Variants in SETD7 observed in about 807,000 individuals in gnomAD.
The protein encoded by SETD7 is histone-lysine N-methyltransferase SETD7.
Under a neutral mutation model 41.8 loss-of-function variants are expected in SETD7, and 16 were observed. The ratio of observed to expected loss-of-function variants is 0.38; its 90% CI spans 0.26 to 0.58. SETD7 has a LOEUF of 0.58. SETD7 is among the 20% of genes least tolerant of loss of function. The pLI, the probability that SETD7 is intolerant of heterozygous loss-of-function variation, is 0.64. For synonymous variants in SETD7, 163 were observed against 169.7 expected, an observed-to-expected ratio of 0.96 and a Z score of 0.31; for missense variants, 346 against 459.7, an observed-to-expected ratio of 0.75 and a Z score of 2.26.
chr4:139,509,336 A>C lies in SETD7; in HGVS notation c.*2327T>G, dbSNP rs1410437223. On this transcript the variant is annotated 3_prime_UTR_variant, in exon 8 of 8. Transcript: ENST00000274031. ...GGTCACAGACACACTGCTGAGTTTT[A>C]AGCTCAGAGTGTTACCATTCAATAT... is the stretch of plus-strand genomic sequence containing the variant. 6.6e-6 allele frequency: 1 copy of C among 152,210 alleles called. No individual in the cohort carries two copies. The highest frequency in any genetic ancestry group is 2.4e-5 in the African/African-American group (1 of 41,454). 9.4% of individuals were successfully genotyped at this position (152,210 alleles called of 1,614,324 possible). A position where few individuals can be genotyped will look rare whatever the true frequency, so the allele number is the denominator to read the frequency against.
At chr4:139,497,547 G>A (rs1726484722) in intron 7 of SETD7, among the ~76,000 whole-genome samples, 1 of 151,986 alleles carries the variant, frequency 6.6e-6, no homozygotes, top group African/African-American at 2.4e-5. Flanking sequence ...CTGATGATAG[G>A]AAAGAACATC....
rs534414419 is a variant in SETD7 at position 139,517,804 on chromosome 4, A to C, written c.920+81T>G. The C allele has an allele frequency of 1.3e-5, 19 of 1,433,016 alleles. 1 individual carries two copies. The South Asian group carries it at 1.4e-4, about 11-fold the overall frequency. The allele number at this position is 1,433,016 out of a possible 1,614,324, so 88.8% of individuals were successfully genotyped here. A position where few individuals can be genotyped will look rare whatever the true frequency, so the allele number is the denominator to read the frequency against. On this transcript the variant is annotated intron_variant, in intron 7 of 7. Transcript: ENST00000274031. ...AGATGAAGCAGCCTTTATCTGAGGC[A>C]GAATAACACTTTTTACTGCCCTCCT...
chr4:139,555,101 T>A lies in SETD7; in HGVS notation c.40+997A>T, dbSNP rs1370172204. 6.6e-6 allele frequency among the ~76,000 whole-genome samples: 1 copy of A among 151,722 alleles called. No individual in the cohort carries two copies. Among genetic ancestry groups the A allele is most frequent in the Non-Finnish European group, 1.5e-5 (1 of 68,008 alleles). ...ATACGCTAAAGAGTATTTTCCAGTA[T>A]TCGCTGTTACAAAATCATAACATCC... On this transcript the variant is annotated intron_variant, in intron 1 of 7. Transcript: ENST00000274031. The surrounding 1 kb of genome is among the most constrained non-coding windows in gnomAD (Gnocchi z 4.0).
chr4:139,521,147 C>T (rs983107016), intron 5 of SETD7, among the ~76,000 whole-genome samples: 9 of 152,256 alleles, frequency 5.9e-5, no homozygotes, highest in East Asian at 1.9e-4. Context: ...AACAGCTGGT[C>T]GGGCGTGGTA....
At position 139,556,217 on chromosome 4, in the gene SETD7, T is replaced by C; in HGVS notation, c.-80A>G. ...GGGTGCTCCCGGCGGCTGAGCGAGC[T>C]CTGGGGCTCGCGAGTTTGGAGGAGG... On this transcript the variant is annotated 5_prime_UTR_variant, in exon 1 of 8. Coordinates refer to ENST00000274031, the MANE Select transcript of SETD7 (RefSeq NM_030648.4). The C allele has an allele frequency of 6.8e-7, 1 of 1,468,592 alleles. No individual in the cohort carries two copies. Among genetic ancestry groups the C allele is most frequent in the Non-Finnish European group, 9.2e-7 (1 of 1,083,496 alleles). The allele number at this position is 1,468,592 out of a possible 1,614,324, so 91.0% of individuals were successfully genotyped here.
At chr4:139,547,887 A>T (rs909244909) in intron 1 of SETD7, 2 of 152,236 alleles carry the variant, frequency 1.3e-5, no homozygotes, top group Admixed American at 1.3e-4. Flanking sequence ...ACATCAGCAG[A>T]AGTTATTACA....
intron 2 of SETD7, among the ~76,000 whole-genome samples, chr4:139,541,103 A>C (rs1305300841): frequency 6.6e-6 from 1 of 152,184 alleles, no homozygotes; most frequent in African/African-American, 2.4e-5. Context: ...TAAATCCTTT[A>C]AAATCAAATT....
At chr4:139,520,248 G>T in intron 6 of SETD7, 29 bp downstream of exon 6, 1 of 1,251,014 alleles carries the variant, frequency 8.0e-7, no homozygotes, top group Non-Finnish European at 1.1e-6. Flanking sequence ...AACCAACAAA[G>T]TTGATTTTCC....
chr4:139,556,030 G>T, intron 1 of SETD7, 68 bp downstream of exon 1: 2 of 1,472,942 alleles, frequency 1.4e-6, no homozygotes, highest in Non-Finnish European at 1.8e-6. Context: ...GCTGTTCGCA[G>T]CCCGCCACTC....
Position 139,511,501 on chromosome 4 carries a change from T to C in SETD7, c.*162A>G. ...CTAATTTTAAATCTGGTATGAGTAATACAGTCAAACCTAGTTAGTATGCGA... is the reference window on the plus strand; with the variant it reads ...CTAATTTTAAATCTGGTATGAGTAACACAGTCAAACCTAGTTAGTATGCGA... On this transcript the variant is annotated 3_prime_UTR_variant, in exon 8 of 8. Transcript: ENST00000274031. 2 of 1,337,370 alleles carry C rather than the reference T, an allele frequency of 1.5e-6. No individual in the cohort carries two copies. Among genetic ancestry groups the C allele is most frequent in the Non-Finnish European group, 2.1e-6 (2 of 974,244 alleles). 82.8% of individuals were successfully genotyped at this position (1,337,370 alleles called of 1,614,324 possible). A position where few individuals can be genotyped will look rare whatever the true frequency, so the allele number is the denominator to read the frequency against.
intron 4 of SETD7, among the ~76,000 whole-genome samples, chr4:139,526,618 A>T (rs939321581): frequency 2.0e-5 from 3 of 152,096 alleles, no homozygotes; most frequent in East Asian, 3.9e-4. Flanking sequence ...AGAATGTAAT[A>T]ACAACTTTCA....
intron 2 of SETD7, 68 bp from the exon 3 acceptor site, chr4:139,533,434 A>G: frequency 7.3e-7 from 1 of 1,377,262 alleles, no homozygotes; most frequent in Non-Finnish European, 1.0e-6. Context: ...AGAAAGGATC[A>G]TATCCAAGGA....
chr4:139,551,477 C>G (rs531396697), intron 1 of SETD7, among the ~76,000 whole-genome samples: 15 of 152,284 alleles, frequency 9.9e-5, no homozygotes, highest in Non-Finnish European at 1.9e-4. Context: ...TAGAAAGTTA[C>G]AATTTTCCCC....
chr4:139,511,524 C>T lies in SETD7; in HGVS notation c.*139G>A, dbSNP rs1726875153. 12 of 1,510,024 alleles carry T rather than the reference C, an allele frequency of 7.9e-6. No homozygotes were observed. Among genetic ancestry groups the T allele is most frequent in the African/African-American group, 1.4e-5 (1 of 71,262 alleles). The allele number at this position is 1,510,024 out of a possible 1,614,324, so 93.5% of individuals were successfully genotyped here. On this transcript the variant is annotated 3_prime_UTR_variant, in exon 8 of 8. Coordinates refer to ENST00000274031, the MANE Select transcript of SETD7 (RefSeq NM_030648.4). ...AATACAGTCAAACCTAGTTAGTATG[C>T]GAGAAAGTCGTTGCTAACGCATGGT...
chr4:139,520,390 A>C lies in SETD7; in HGVS notation c.649T>G (p.Tyr217Asp), dbSNP rs777083872. ...CTGGAAATAAGAGATTCAGCAACAT[A>C]AACCCTAAATTGAAAAAAGAGTTGA... ...LPDPYESERV[Y>D]VAESLISSAG... Residue 217 changes from tyrosine to aspartate, a missense_variant, in exon 6 of 8, where the codon TAT becomes GAT. Tyr to Asp is a radical substitution (Grantham distance 160, BLOSUM62 -3). Around this residue, in one of 3 missense-constraint regions of SETD7, gnomAD observed 266 missense variants for 377.0 expected, o/e 0.71. Coordinates refer to ENST00000274031, the MANE Select transcript of SETD7 (RefSeq NM_030648.4). The C allele has an allele frequency of 1.3e-6, 2 of 1,591,662 alleles. No homozygotes were observed. The highest frequency in any genetic ancestry group is 4.5e-5 in the East Asian group (2 of 44,352).
intron 7 of SETD7, among the ~76,000 whole-genome samples, chr4:139,512,835 G>A (rs892308717): frequency 1.6e-5 from 2 of 127,256 alleles, no homozygotes; most frequent in Non-Finnish European, 3.1e-5. Context: ...TTGGCTCACT[G>A]CAACTTCCAC....
chr4:139,533,244 T>C lies in SETD7; in HGVS notation c.293A>G (p.Tyr98Cys), dbSNP rs769934355. The change falls in exon 3 of 8, where the codon TAT (tyrosine) becomes TGT (cysteine). Residue 98 changes from tyrosine to cysteine, a missense_variant. This residue lies in a region of SETD7 where 266 missense variants were observed against 377.0 expected (regional missense o/e 0.71). Coordinates refer to ENST00000274031, the MANE Select transcript of SETD7 (RefSeq NM_030648.4). Reference protein sequence around the residue: ...DGELNGPAQEYDTDGRLIFKG... With the variant: ...DGELNGPAQECDTDGRLIFKG... Reference sequence around the variant, plus strand: ...GAAGATCAGTCTCCCATCTGTGTCATATTCCTGGGCTGGACCGTTCAGCTC... The same window carrying C: ...GAAGATCAGTCTCCCATCTGTGTCACATTCCTGGGCTGGACCGTTCAGCTC... 1.2e-6 allele frequency: 2 copies of C among 1,614,220 alleles called. No homozygotes were observed. Among genetic ancestry groups the C allele is most frequent in the Admixed American group, 3.3e-5 (2 of 60,024 alleles).
At chr4:139,493,920 C>T (rs1579191638), downstream of SETD7, among the ~76,000 whole-genome samples, 2 of 152,168 alleles carry the variant, frequency 1.3e-5, no homozygotes, top group East Asian at 3.8e-4. Flanking sequence ...TGCCAATGGA[C>T]TCTACTTCTT....
At chr4:139,549,662 G>A (rs1034567217) in intron 1 of SETD7, among the ~76,000 whole-genome samples, 1 of 151,844 alleles carries the variant, frequency 6.6e-6, no homozygotes, top group Non-Finnish European at 1.5e-5. Context: ...CTGGAGTGCA[G>A]TGATGAGACC....
Sources: gnomAD v4.1 joint callset for allele counts (sites outside exome capture counted in the v4.1 genomes callset) on GRCh38, gnomAD v4.1.1 for gene constraint, gnomAD v4.1.1 regional missense constraint, Gnocchi (gnomAD v3.1) non-coding constraint, MANE v1.5 for transcripts, NCBI Gene and HGNC (gene_info 2026-07-23, HGNC 2026-07-21) for gene names.